DAP: variants seen among roughly 807,000 people sequenced by gnomAD.
DAP encodes death associated protein.
A neutral mutation model predicts 13.8 loss-of-function variants in DAP; 8 were observed. The observed-to-expected ratio is 0.58, with a 90% CI of 0.34 to 1.05. The LOEUF is 1.05. Among genes scored for constraint, DAP ranks in the 50% least tolerant of loss-of-function variants. DAP has a pLI of 0.03. For missense variants in DAP, 106 were observed against 133.2 expected (o/e 0.80, Z 1.01); for synonymous variants, 47 against 47.5 (o/e 0.99, Z 0.04).
intron 2 of DAP, among the ~76,000 whole-genome samples, chr5:10,709,528 T>C (rs1738788426): frequency 1.3e-5 from 2 of 152,244 alleles, no homozygotes; most frequent in Admixed American, 6.5e-5. Flanking sequence ...CCCACTGCAC[T>C]GCCCAGAGGG....
intron 2 of DAP, among the ~76,000 whole-genome samples, chr5:10,689,138 G>A (rs1738233573): frequency 6.6e-6 from 1 of 152,200 alleles, no homozygotes; most frequent in African/African-American, 2.4e-5. Flanking sequence ...TGTGTGAACA[G>A]TGATGATATG....
chr5:10,680,876 T>A lies in DAP; in HGVS notation c.*180A>T, dbSNP rs1313497220. Reference sequence around the variant, plus strand: ...CCAACCAGACTCCCCATAAACAAGGTTTGGGCTGGAGCTGTTTCTAGTTTT... The same window carrying A: ...CCAACCAGACTCCCCATAAACAAGGATTGGGCTGGAGCTGTTTCTAGTTTT... On this transcript the variant is annotated 3_prime_UTR_variant, in exon 4 of 4. Coordinates refer to ENST00000230895, the MANE Select transcript of DAP (RefSeq NM_004394.3). 4.6e-6 allele frequency: 7 copies of A among 1,536,954 alleles called. No homozygotes were observed. Among genetic ancestry groups the A allele is most frequent in the Middle Eastern group, 3.3e-4 (2 of 5,992 alleles).
intron 2 of DAP, among the ~76,000 whole-genome samples, chr5:10,721,129 G>A (rs1246314194): frequency 3.3e-5 from 5 of 152,136 alleles, no homozygotes; most frequent in African/African-American, 9.7e-5. Flanking sequence ...TACTTTGTAG[G>A]GCTGGGGCAA....
chr5:10,713,805 C>T (rs77638472), intron 2 of DAP, among the ~76,000 whole-genome samples: 2,575 of 152,314 alleles, frequency 0.017, 51 homozygotes, highest in African/African-American at 0.055. Flanking sequence ...ATGACAAAGG[C>T]GGGAACATGC....
chr5:10,718,128 T>G (rs1458736316), intron 2 of DAP, among the ~76,000 whole-genome samples: 1 of 152,176 alleles, frequency 6.6e-6, no homozygotes, highest in African/African-American at 2.4e-5. Context: ...AACTGTGGAT[T>G]GGGGAAAGGG....
intron 2 of DAP, among the ~76,000 whole-genome samples, chr5:10,686,775 G>A (rs1361557551): frequency 6.6e-6 from 1 of 152,222 alleles, no homozygotes; most frequent in Non-Finnish European, 1.5e-5. Context: ...AGAAGCTGCA[G>A]CAAGTTCTCC....
chr5:10,690,573 G>A (rs190126607), intron 2 of DAP, among the ~76,000 whole-genome samples: 6 of 152,212 alleles, frequency 3.9e-5, no homozygotes, highest in Admixed American at 2.0e-4. Context: ...TTTTGTGTCT[G>A]GCTTATTCCA....
At chr5:10,738,300 CAT>C (rs1177226792) in intron 2 of DAP, among the ~76,000 whole-genome samples, 2 of 152,250 alleles carry the variant, frequency 1.3e-5, no homozygotes, top group Non-Finnish European at 2.9e-5. Context: ...ACACAATACT[CAT>C]AGAGTTGCAA....
rs1739971813 is a variant in DAP, at chr5:10,748,654, C to T, written c.56-383G>A. Among the ~76,000 whole-genome samples, 3 of 152,150 alleles carry T rather than the reference C, an allele frequency of 2.0e-5. No individual in the cohort carries two copies. The South Asian group carries it at 6.2e-4, about 31-fold the overall frequency. On this transcript the variant is annotated intron_variant, in intron 1 of 3. Coordinates refer to ENST00000230895, the MANE Select transcript of DAP (RefSeq NM_004394.3). The stretch of plus-strand genomic sequence containing the variant: ...CCCTCCCCTGTGAAATTTACTTTCT[C>T]AAATATCGAAGATGTTTTTGATGGG...
At chr5:10,753,741 G>C (rs911776959) in intron 1 of DAP, among the ~76,000 whole-genome samples, 2 of 152,228 alleles carry the variant, frequency 1.3e-5, no homozygotes, top group African/African-American at 4.8e-5. Flanking sequence ...GAGCTAGGAA[G>C]GGCTGTTAAC....
At chr5:10,747,712 A>C (rs1739941617) in intron 2 of DAP, among the ~76,000 whole-genome samples, 1 of 152,194 alleles carries the variant, frequency 6.6e-6, no homozygotes, top group South Asian at 2.1e-4. Flanking sequence ...AGGTGCAAGA[A>C]TTTGCCTACT....
At chr5:10,752,638 CTGTG>C (rs35087570) in intron 1 of DAP, among the ~76,000 whole-genome samples, 4 of 150,630 alleles carry the variant, frequency 2.7e-5, no homozygotes, top group African/African-American at 4.9e-5. Flanking sequence ...CCAGTTCTGC[CTGTG>C]TGTGTGTGTG....
chr5:10,745,714 T>C (rs1739884271), intron 2 of DAP, among the ~76,000 whole-genome samples: 1 of 152,240 alleles, frequency 6.6e-6, no homozygotes, highest in Non-Finnish European at 1.5e-5. Context: ...CTGTGTTAGG[T>C]AGGGAACTAG....
intron 2 of DAP, among the ~76,000 whole-genome samples, chr5:10,693,309 C>A (rs1243754188): frequency 1.3e-5 from 2 of 152,206 alleles, no homozygotes; most frequent in East Asian, 3.8e-4. Context: ...CTCAAGTTAT[C>A]CTCTGCAAAT....
At position 10,702,514 on chromosome 5, in the gene DAP, C is replaced by G. The variant is rs577373224; in HGVS notation, c.153-18943G>C. Reference sequence around the variant, plus strand: ...TTCCTCCAGCTTTTGCCAGACTGACCTGGAAGATTGGCTTTTCTCCCTCTT... The same window carrying G: ...TTCCTCCAGCTTTTGCCAGACTGACGTGGAAGATTGGCTTTTCTCCCTCTT... On this transcript the variant is annotated intron_variant, in intron 2 of 3. Transcript: ENST00000230895. Among the ~76,000 whole-genome samples the G allele has an allele frequency of 2.0e-5, 3 of 152,274 alleles. No homozygotes were observed. In the East Asian group the frequency reaches 5.8e-4, roughly 29 times the overall value.
intron 2 of DAP, among the ~76,000 whole-genome samples, chr5:10,710,519 G>A (rs897854163): frequency 4.6e-5 from 7 of 152,230 alleles, no homozygotes; most frequent in African/African-American, 1.7e-4. Context: ...AGAGCGCTCT[G>A]AGTGAGGTCA....
chr5:10,685,995 T>C (rs919825029), intron 2 of DAP, among the ~76,000 whole-genome samples: 1 of 152,204 alleles, frequency 6.6e-6, no homozygotes, highest in Non-Finnish European at 1.5e-5. Flanking sequence ...GTAATGTGTT[T>C]CTTTAGGAAT....
In DAP at chr5:10,707,047, C is replaced by G. The variant is rs1041893250; in HGVS notation, c.153-23476G>C. 3.3e-5 allele frequency among the ~76,000 whole-genome samples: 5 copies of G among 152,156 alleles called. No individual in the cohort carries two copies. The highest frequency in any genetic ancestry group is 1.2e-4 in the African/African-American group (5 of 41,420). On this transcript the variant is annotated intron_variant, in intron 2 of 3. Coordinates refer to ENST00000230895, the MANE Select transcript of DAP (RefSeq NM_004394.3). This position sits in a 1 kb window ranked among gnomAD's most constrained non-coding sequence, Gnocchi z 4.0. Reference sequence around the variant, plus strand: ...ACCCACATGGAGAAGTCAGAGGGGACTGGCCTTAAAAAAAGCCATGGGTCT... The same window carrying G: ...ACCCACATGGAGAAGTCAGAGGGGAGTGGCCTTAAAAAAAGCCATGGGTCT...
chr5:10,756,657 G>A (rs1337161956), intron 1 of DAP, among the ~76,000 whole-genome samples: 4 of 152,194 alleles, frequency 2.6e-5, no homozygotes, highest in Non-Finnish European at 5.9e-5. Context: ...GCAGATTTAT[G>A]AGAACTCTAC....
Sources: gnomAD v4.1 joint callset for allele counts (sites outside exome capture counted in the v4.1 genomes callset) on GRCh38, gnomAD v4.1.1 for gene constraint, Gnocchi (gnomAD v3.1) non-coding constraint, MANE v1.5 for transcripts, NCBI Gene and HGNC (gene_info 2026-07-23, HGNC 2026-07-21) for gene names.